The following CDH13 variants were observed in gnomAD, a reference collection of about 807,000 sequenced individuals.
CDH13 encodes the protein cadherin 13.
CDH13 carries 24 observed loss-of-function variants against 63.8 expected under a neutral mutation model. The observed-to-expected ratio is 0.38, with a 90% CI of 0.27 to 0.53. The LOEUF is 0.53. Among genes scored for constraint, CDH13 ranks in the 20% least tolerant of loss-of-function variants. The pLI, the probability that CDH13 is intolerant of heterozygous loss-of-function variation, is 0.85. For synonymous variants in CDH13, 503 were observed against 355.3 expected (o/e 1.42, Z -4.67); for missense variants, 1,049 against 903.1 (o/e 1.16, Z -2.07).
chr16:83,646,379 G>A (rs543461943), intron 8 of CDH13, among the ~76,000 whole-genome samples: 12 of 152,226 alleles, frequency 7.9e-5, no homozygotes, highest in South Asian at 4.1e-4. Flanking sequence ...TGTTGCTGCC[G>A]TTCTGCAGGG....
intron 3 of CDH13, among the ~76,000 whole-genome samples, chr16:83,046,645 C>T (rs1917809462): frequency 6.6e-6 from 1 of 152,120 alleles, no homozygotes; most frequent in Non-Finnish European, 1.5e-5. Flanking sequence ...GCAGGTGCTT[C>T]CCTAGGGGAA....
At position 83,252,076 on chromosome 16, in the gene CDH13, AG is replaced by A. The variant is rs1567539921; in HGVS notation, c.636+34580del. On this transcript the variant is annotated intron_variant, in intron 5 of 13. Transcript: ENST00000567109. ...CTTTTTTAAATAAATATATATATAT[AG>A]TATATATGTATATATGTATATATAT... Among the ~76,000 whole-genome samples, 7 of 141,074 alleles carry A rather than the reference AG, an allele frequency of 5.0e-5. No individual in the cohort carries two copies. In the East Asian group the frequency reaches 6.1e-4, roughly 12 times the overall value. 92.6% of individuals were successfully genotyped at this position (141,074 alleles called of 152,430 possible). A position where few individuals can be genotyped will look rare whatever the true frequency, so the allele number is the denominator to read the frequency against.
intron 5 of CDH13, among the ~76,000 whole-genome samples, chr16:83,233,476 A>G (rs906053752): frequency 6.6e-6 from 1 of 152,204 alleles, no homozygotes; most frequent in Non-Finnish European, 1.5e-5. Context: ...CACAATTTTT[A>G]TCTTACAGTT....
At position 83,450,945 on chromosome 16, in the gene CDH13, C is replaced by T. The variant is rs77872373; in HGVS notation, c.782-35532C>T. Among the ~76,000 whole-genome samples, 34 of 152,256 alleles carry T rather than the reference C, an allele frequency of 2.2e-4. 1 individual carries two copies. In the East Asian group the frequency reaches 6.4e-3, roughly 29 times the overall value. On this transcript the variant is annotated intron_variant, in intron 6 of 13. Transcript: ENST00000567109. The stretch of plus-strand genomic sequence containing the variant: ...CTCAGCCTTGTGTGTGCGTCGGCAT[C>T]CCCTGGAGGGCTTGTGAAAATCCAT...
chr16:82,779,687 A>C (rs2035660685), intron 1 of CDH13, among the ~76,000 whole-genome samples: 1 of 152,188 alleles, frequency 6.6e-6, no homozygotes, highest in Non-Finnish European at 1.5e-5. Context: ...ACTCTATTCC[A>C]CCAGAACCAG....
chr16:83,283,267 C>G (rs771639266), intron 5 of CDH13, among the ~76,000 whole-genome samples: 5 of 152,184 alleles, frequency 3.3e-5, no homozygotes, highest in African/African-American at 7.2e-5. Context: ...AATATGAACT[C>G]CGAGTGTGGG....
chr16:83,370,763 G>C (rs1315146128), intron 6 of CDH13, among the ~76,000 whole-genome samples: 1 of 152,094 alleles, frequency 6.6e-6, no homozygotes, highest in Non-Finnish European at 1.5e-5. Flanking sequence ...TAGGATAATG[G>C]TCTCCATTTC....
At chr16:83,680,997 T>G (rs1915357916) in intron 10 of CDH13, among the ~76,000 whole-genome samples, 1 of 152,008 alleles carries the variant, frequency 6.6e-6, no homozygotes, top group Non-Finnish European at 1.5e-5. Flanking sequence ...CACCTCTCCT[T>G]GATCCTACCA....
At chr16:83,054,131 C>G (rs1597233234) in intron 3 of CDH13, among the ~76,000 whole-genome samples, 1 of 152,286 alleles carries the variant, frequency 6.6e-6, no homozygotes, top group South Asian at 2.1e-4. Flanking sequence ...GTGTAGTAAG[C>G]TATACCATCT....
At chr16:82,885,779 G>A (rs1303848309) in intron 2 of CDH13, among the ~76,000 whole-genome samples, 3 of 151,872 alleles carry the variant, frequency 2.0e-5, no homozygotes, top group South Asian at 2.1e-4. Context: ...TGTAACCTTG[G>A]GCACGTTTTT....
At chr16:83,356,228 G>A (rs1342511470) in intron 6 of CDH13, among the ~76,000 whole-genome samples, 1,326 of 88,592 alleles carry the variant, frequency 0.015, 15 homozygotes, top group African/African-American at 0.06. Flanking sequence ...GTGTGTGTGT[G>A]TGTGTGTGTG....
chr16:83,510,849 A>C (rs1488110221), intron 7 of CDH13, among the ~76,000 whole-genome samples: 1 of 152,266 alleles, frequency 6.6e-6, no homozygotes, highest in Non-Finnish European at 1.5e-5. Context: ...CATGTACTAA[A>C]GGTCTTTCAG....
At chr16:83,207,286 A>G (rs1352642548) in intron 4 of CDH13, among the ~76,000 whole-genome samples, 1 of 152,186 alleles carries the variant, frequency 6.6e-6, no homozygotes, top group Admixed American at 6.5e-5. Context: ...TTCTGTCTCT[A>G]TTAATGTTAC....
chr16:82,945,936 G>T (rs1173307112), intron 2 of CDH13, among the ~76,000 whole-genome samples: 1 of 152,086 alleles, frequency 6.6e-6, no homozygotes. Context: ...CATTTCCTCT[G>T]TGAATTCTTC....
intron 6 of CDH13, among the ~76,000 whole-genome samples, chr16:83,366,101 C>G (rs919816195): frequency 1.3e-5 from 2 of 152,218 alleles, no homozygotes; most frequent in African/African-American, 4.8e-5. Context: ...GTTACATTAT[C>G]TTACATACCA....
At chr16:83,453,971 C>T (rs1391672861) in intron 6 of CDH13, among the ~76,000 whole-genome samples, 1 of 152,226 alleles carries the variant, frequency 6.6e-6, no homozygotes, top group Non-Finnish European at 1.5e-5. Flanking sequence ...TGCACGCAGG[C>T]ACCCTCTGAA....
At chr16:83,675,767 T>C (rs770618932) in intron 9 of CDH13, among the ~76,000 whole-genome samples, 3 of 152,110 alleles carry the variant, frequency 2.0e-5, no homozygotes, top group African/African-American at 7.2e-5. Context: ...CATCTTTCTA[T>C]CTAATAAAAA....
At position 83,107,986 on chromosome 16, in the gene CDH13, C is replaced by A. The variant is rs905869952; in HGVS notation, c.367-17399C>A. Reference sequence around the variant, plus strand: ...GGTGCCTGCCACCACAGCCACCCAGCTAATTTTTGTATTTTTAGTAGAGAC... The same window carrying A: ...GGTGCCTGCCACCACAGCCACCCAGATAATTTTTGTATTTTTAGTAGAGAC... On this transcript the variant is annotated intron_variant, in intron 3 of 13. Coordinates refer to ENST00000567109, the MANE Select transcript of CDH13 (RefSeq NM_001257.5). Among the ~76,000 whole-genome samples, 4 of 151,912 alleles carry A rather than the reference C, an allele frequency of 2.6e-5. No individual in the cohort carries two copies. The East Asian group carries it at 7.7e-4, about 29-fold the overall frequency.
intron 4 of CDH13, among the ~76,000 whole-genome samples, chr16:83,147,805 C>T (rs1010818862): frequency 7.2e-5 from 11 of 152,136 alleles, no homozygotes; most frequent in African/African-American, 1.2e-4. Context: ...GGGGCAAAGA[C>T]CTCACCTCAC....
Sources: gnomAD v4.1 joint callset for allele counts (sites outside exome capture counted in the v4.1 genomes callset) on GRCh38, gnomAD v4.1.1 for gene constraint, MANE v1.5 for transcripts, NCBI Gene and HGNC (gene_info 2026-07-23, HGNC 2026-07-21) for gene names.